SH3BGRL: variants seen among roughly 807,000 people sequenced by gnomAD.
SH3BGRL encodes the protein SH3 domain binding glutamate rich protein like.
A neutral mutation model predicts 9.8 loss-of-function variants in SH3BGRL; 7 were observed. The observed-to-expected ratio is 0.72, with a 90% CI of 0.41 to 1.35. The LOEUF is 1.35. SH3BGRL is among the 40% of genes most tolerant of loss of function. The pLI is 0.01. For synonymous variants in SH3BGRL, 36 were observed against 29.1 expected (o/e 1.24, Z -0.76); for missense variants, 73 against 84.4 (o/e 0.86, Z 0.53).
At chrX:81,254,093 C>T (rs1051241245) in intron 1 of SH3BGRL, among the ~76,000 whole-genome samples, 5 of 112,032 alleles carry the variant, frequency 4.5e-5, no homozygotes, top group African/African-American at 1.3e-4. Context: ...TCAGACTCCA[C>T]CATTCTTGAC....
intron 1 of SH3BGRL, among the ~76,000 whole-genome samples, chrX:81,234,565 C>T (rs924718025): frequency 8.9e-6 from 1 of 112,021 alleles, no homozygotes; most frequent in African/African-American, 3.2e-5. Context: ...AACTTTTCTT[C>T]TGTTGTGAAA....
rs747658019 is a variant in SH3BGRL at position 81,275,470 on chromosome X, T to C, written c.46-1514T>C. Among the ~76,000 whole-genome samples the C allele has an allele frequency of 4.5e-5, 5 of 111,771 alleles. No individual in the cohort carries two copies. In the South Asian group the frequency reaches 1.9e-3, roughly 42 times the overall value. ...GTAAATATGCTAATGATCGACAAAT[T>C]ACTTGACACAATTGACATTGACTGA... On this transcript the variant is annotated intron_variant, in intron 1 of 3. Coordinates refer to ENST00000373212, the MANE Select transcript of SH3BGRL (RefSeq NM_003022.3).
At chrX:81,254,954 G>C (rs1310943847) in intron 1 of SH3BGRL, among the ~76,000 whole-genome samples, 3 of 104,769 alleles carry the variant, frequency 2.9e-5, no homozygotes, top group East Asian at 6.0e-4. Context: ...GCAGTGGCAC[G>C]ATCTCGGCTC....
chrX:81,277,060 C>G lies in SH3BGRL; in HGVS notation c.122C>G (p.Ala41Gly). Residue 41 changes from alanine to glycine, a missense_variant, in exon 2 of 4, where the codon GCC becomes GGC. Ala to Gly is a moderately conservative substitution (Grantham distance 60). Coordinates refer to ENST00000373212, the MANE Select transcript of SH3BGRL (RefSeq NM_003022.3). The part of the protein sequence containing the change: ...KIGFEEKDIA[A>G]NEENRKWMRE... ...GGATTTGAAGAAAAAGATATTGCAG[C>G]CAATGAAGAGAATCGGAAGTGGATG... is the stretch of plus-strand genomic sequence containing the variant. The G allele has an allele frequency of 8.3e-7, 1 of 1,206,514 alleles. No homozygotes were observed. The highest frequency in any genetic ancestry group is 1.8e-5 in the South Asian group (1 of 56,346).
chrX:81,248,799 AG>A (rs760005635), intron 1 of SH3BGRL, among the ~76,000 whole-genome samples: 2 of 112,070 alleles, frequency 1.8e-5, no homozygotes, highest in South Asian at 7.5e-4. Flanking sequence ...TGTTAGCTCC[AG>A]GGGTTGGGAG....
chrX:81,229,048 A>G (rs2075625056), intron 1 of SH3BGRL, among the ~76,000 whole-genome samples: 1 of 112,139 alleles, frequency 8.9e-6, no homozygotes, highest in Non-Finnish European at 1.9e-5. Flanking sequence ...TCTGTGATCC[A>G]TTAATGTCTC....
chrX:81,208,278 A>G (rs187396878), intron 1 of SH3BGRL, among the ~76,000 whole-genome samples: 7 of 111,253 alleles, frequency 6.3e-5, no homozygotes, highest in Non-Finnish European at 1.3e-4. Flanking sequence ...AAAAATCATT[A>G]TTTGGTAGAA....
intron 1 of SH3BGRL, among the ~76,000 whole-genome samples, chrX:81,218,115 C>T (rs143958528): frequency 0.011 from 1,244 of 110,728 alleles, 19 homozygotes; most frequent in African/African-American, 0.038. Context: ...TCTTTTTCCA[C>T]CCCTTTACCT....
intron 1 of SH3BGRL, among the ~76,000 whole-genome samples, chrX:81,231,935 T>C (rs1279970412): frequency 8.9e-6 from 1 of 111,778 alleles, no homozygotes; most frequent in Non-Finnish European, 1.9e-5. Flanking sequence ...CATATATTTA[T>C]ATGCATGTTT....
chrX:81,212,000 A>G (rs753483921), intron 1 of SH3BGRL, among the ~76,000 whole-genome samples: 2 of 111,978 alleles, frequency 1.8e-5, no homozygotes, highest in Non-Finnish European at 3.8e-5. Flanking sequence ...GACTTTCAGA[A>G]AAAACATAAT....
chrX:81,239,169 TA>T (rs2075659534), intron 1 of SH3BGRL, among the ~76,000 whole-genome samples: 2 of 112,124 alleles, frequency 1.8e-5, no homozygotes, highest in East Asian at 5.6e-4. Context: ...ATGACCTCAT[TA>T]ATTACTAAAT....
chrX:81,242,419 T>C (rs1323674289), intron 1 of SH3BGRL, among the ~76,000 whole-genome samples: 1 of 111,960 alleles, frequency 8.9e-6, no homozygotes, highest in African/African-American at 3.2e-5. Flanking sequence ...CATATTTAAA[T>C]GGATTAAAGA....
intron 1 of SH3BGRL, among the ~76,000 whole-genome samples, chrX:81,265,280 A>G (rs1193477894): frequency 9.4e-6 from 1 of 105,991 alleles, no homozygotes; most frequent in Admixed American, 1.0e-4. Context: ...ACAGTTAGGT[A>G]TACACGTGCC....
At chrX:81,218,634 T>C (rs1859479765) in intron 1 of SH3BGRL, among the ~76,000 whole-genome samples, 1 of 106,407 alleles carries the variant, frequency 9.4e-6, no homozygotes, top group African/African-American at 3.4e-5. Context: ...TGACAGGTTT[T>C]ATACATCTAT....
chrX:81,211,234 T>C (rs1217428309), intron 1 of SH3BGRL, among the ~76,000 whole-genome samples: 1 of 111,418 alleles, frequency 9.0e-6, no homozygotes, highest in Non-Finnish European at 1.9e-5. Flanking sequence ...CTTGATTGGA[T>C]TGAGGGATAC....
At chrX:81,220,417 T>C (rs1352251986) in intron 1 of SH3BGRL, among the ~76,000 whole-genome samples, 1 of 111,520 alleles carries the variant, frequency 9.0e-6, no homozygotes, top group Admixed American at 9.5e-5. Context: ...TAGTTGCTCA[T>C]AGTAGCCTCT....
chrX:81,222,622 G>T (rs1207624987), intron 1 of SH3BGRL, among the ~76,000 whole-genome samples: 1 of 110,476 alleles, frequency 9.1e-6, no homozygotes, highest in Non-Finnish European at 1.9e-5. Context: ...GAATAGTGCC[G>T]CAATAAATAT....
At chrX:81,228,941 A>T (rs1013829484) in intron 1 of SH3BGRL, among the ~76,000 whole-genome samples, 1 of 111,714 alleles carries the variant, frequency 9.0e-6, no homozygotes, top group Admixed American at 9.5e-5. Flanking sequence ...TCAAAATTCG[A>T]TATTACTGAA....
intron 1 of SH3BGRL, among the ~76,000 whole-genome samples, chrX:81,249,607 A>G (rs1458729505): frequency 8.9e-6 from 1 of 112,002 alleles, no homozygotes; most frequent in African/African-American, 3.2e-5. Context: ...TTACATGCCT[A>G]TGGTTTCCCT....
Sources: gnomAD v4.1 joint callset for allele counts (sites outside exome capture counted in the v4.1 genomes callset) on GRCh38, gnomAD v4.1.1 for gene constraint, MANE v1.5 for transcripts, NCBI Gene and HGNC (gene_info 2026-07-23, HGNC 2026-07-21) for gene names.